SLC8A1: variants seen among roughly 807,000 people sequenced by gnomAD.
The protein encoded by SLC8A1 is sodium/calcium exchanger 1.
A neutral mutation model predicts 68.3 loss-of-function variants in SLC8A1; 18 were observed. That is an observed-to-expected ratio of 0.26 (90% CI 0.18 to 0.39). The LOEUF (loss-of-function observed/expected upper bound fraction) is 0.39, where lower values mean the gene tolerates loss of function less well. Ranked by LOEUF, SLC8A1 falls within the 10% of genes least tolerant of loss-of-function variation. The probability of loss-of-function intolerance (pLI) is 1.00; values close to 1 mark genes in which losing one functional copy is unlikely to be tolerated. For missense variants in SLC8A1, 985 were observed against 1,156.7 expected (o/e 0.85, Z 2.15); for synonymous variants, 475 against 415.5 (o/e 1.14, Z -1.74).
chr2:40,413,861 A>G (rs571326334), intron 2 of SLC8A1, among the ~76,000 whole-genome samples: 3 of 152,322 alleles, frequency 2.0e-5, no homozygotes, highest in East Asian at 1.9e-4. Flanking sequence ...ATGTTTTCTT[A>G]AACTATAGGT....
chr2:40,261,669 C>T (rs1208309408), intron 2 of SLC8A1, among the ~76,000 whole-genome samples: 1 of 152,170 alleles, frequency 6.6e-6, no homozygotes, highest in Non-Finnish European at 1.5e-5. Flanking sequence ...TGACAAAATA[C>T]TATGCCTTTA....
At chr2:40,143,976 C>T (rs946097504) in intron 6 of SLC8A1, among the ~76,000 whole-genome samples, 1 of 152,156 alleles carries the variant, frequency 6.6e-6, no homozygotes, top group Non-Finnish European at 1.5e-5. Flanking sequence ...GCTCACCTGT[C>T]AAATGAGTTT....
At chr2:40,355,310 C>T (rs562275228) in intron 2 of SLC8A1, among the ~76,000 whole-genome samples, 2 of 152,136 alleles carry the variant, frequency 1.3e-5, no homozygotes, top group Non-Finnish European at 2.9e-5. Flanking sequence ...AGTCACAAAG[C>T]CTCTCAGTGC....
intron 2 of SLC8A1, among the ~76,000 whole-genome samples, chr2:40,234,969 A>G (rs1175872837): frequency 6.6e-6 from 1 of 152,152 alleles, no homozygotes; most frequent in Non-Finnish European, 1.5e-5. Context: ...CATGGTGGAT[A>G]AGCTTTTTGA....
intron 7 of SLC8A1, among the ~76,000 whole-genome samples, chr2:40,134,217 G>A (rs1020636701): frequency 4.0e-5 from 6 of 151,616 alleles, no homozygotes; most frequent in Non-Finnish European, 5.9e-5. Context: ...TCAGCCTCCC[G>A]AACAGCTGGG....
At chr2:40,316,760 T>G (rs980309068) in intron 2 of SLC8A1, among the ~76,000 whole-genome samples, 1 of 151,898 alleles carries the variant, frequency 6.6e-6, no homozygotes, top group African/African-American at 2.4e-5. Context: ...CCAAAATACC[T>G]CCCTCCCCCA....
At chr2:40,442,130 C>G (rs1700605153) in intron 1 of SLC8A1, among the ~76,000 whole-genome samples, 1 of 150,574 alleles carries the variant, frequency 6.6e-6, no homozygotes, top group Non-Finnish European at 1.5e-5. Flanking sequence ...AGCACACCAG[C>G]ATGGCACATG....
chr2:40,467,517 TGC>T, intron 1 of SLC8A1, among the ~76,000 whole-genome samples: 2 of 152,178 alleles, frequency 1.3e-5, no homozygotes, highest in African/African-American at 4.8e-5. Flanking sequence ...CATTGGCAGC[TGC>T]TATTGTTGTC....
rs538055863 is a variant in SLC8A1 at position 40,376,566 on chromosome 2, CGAAAGGAAAA to C, written c.1808+51897_1808+51906del. ...GCATTTCAGTCAAGTTCAAAAGTGGCGAAAGGAAAAGAAAGGAAAAGGGAAAGGGAAAAGG... is the reference window on the plus strand; with the variant it reads ...GCATTTCAGTCAAGTTCAAAAGTGGCGAAAGGAAAAGGGAAAGGGAAAAGG... On this transcript the variant is annotated intron_variant, in intron 2 of 7. Coordinates refer to ENST00000406785, the Ensembl canonical transcript of SLC8A1. Among the ~76,000 whole-genome samples the C allele has an allele frequency of 5.6e-3, 822 of 148,022 alleles. 3 individuals carry two copies. The highest frequency in any genetic ancestry group is 0.035 in the Middle Eastern group (10 of 286).
chr2:40,451,779 ACACAC>A (rs1702562869), intron 1 of SLC8A1, 120 bp downstream of exon 1: 5 of 153,400 alleles, frequency 3.3e-5, no homozygotes, highest in African/African-American at 1.3e-4. Context: ...ACACACACAC[ACACAC>A]AAATTTAGAA....
chr2:40,413,185 T>G lies in SLC8A1; in HGVS notation c.1808+15288A>C, dbSNP rs185245062. Reference sequence around the variant, plus strand: ...TAAACTAGTTCAACCATTGTGGAAGTCGGTGTGGCGATTCCTCAGGGATCT... The same window carrying G: ...TAAACTAGTTCAACCATTGTGGAAGGCGGTGTGGCGATTCCTCAGGGATCT... On this transcript the variant is annotated intron_variant, in intron 2 of 7. Coordinates refer to ENST00000406785, the Ensembl canonical transcript of SLC8A1. 3.3e-5 allele frequency among the ~76,000 whole-genome samples: 5 copies of G among 152,302 alleles called. No individual in the cohort carries two copies. In the East Asian group the frequency reaches 9.7e-4, roughly 29 times the overall value.
chr2:40,170,251 G>A, intron 4 of SLC8A1, 30 bp downstream of exon 7: 4 of 1,595,788 alleles, frequency 2.5e-6, no homozygotes, highest in Non-Finnish European at 3.4e-6. Context: ...GGGAGGCTGT[G>A]GTTTTCAAGG....
intron 1 of SLC8A1, among the ~76,000 whole-genome samples, chr2:40,444,912 G>C (rs1701160669): frequency 1.3e-5 from 2 of 152,096 alleles, no homozygotes; most frequent in African/African-American, 2.4e-5. Context: ...CTGATCTTCG[G>C]TATATGCCAT....
intron 2 of SLC8A1, among the ~76,000 whole-genome samples, chr2:40,326,796 G>T (rs1011364116): frequency 6.6e-6 from 1 of 152,134 alleles, no homozygotes; most frequent in Non-Finnish European, 1.5e-5. Flanking sequence ...TGTGTTTTAA[G>T]TATTCTCTTA....
exon 8 of SLC8A1, chr2:40,097,403 T>G (rs1382044177): frequency 1.3e-5 from 2 of 152,042 alleles, no homozygotes; most frequent in Non-Finnish European, 2.9e-5. Context: ...TTAACACGAT[T>G]AAACATCACA....
intron 1 of SLC8A1, among the ~76,000 whole-genome samples, chr2:40,435,989 T>G (rs954385497): frequency 6.7e-6 from 1 of 150,234 alleles, no homozygotes; most frequent in African/African-American, 2.4e-5. Flanking sequence ...GGTTTCACCA[T>G]GTTGAACTCC....
intron 7 of SLC8A1, among the ~76,000 whole-genome samples, chr2:40,120,324 C>G (rs1049843904): frequency 6.6e-6 from 1 of 152,170 alleles, no homozygotes; most frequent in Non-Finnish European, 1.5e-5. Flanking sequence ...CTTCTCCCAG[C>G]AACCAGACCT....
At chr2:40,276,877 T>C (rs1311566455) in intron 2 of SLC8A1, among the ~76,000 whole-genome samples, 1 of 152,246 alleles carries the variant, frequency 6.6e-6, no homozygotes, top group Admixed American at 6.5e-5. Flanking sequence ...CCAACTTACA[T>C]TCTATGAGAA....
At chr2:40,322,452 G>C (rs1047255069) in intron 2 of SLC8A1, among the ~76,000 whole-genome samples, 2 of 144,730 alleles carry the variant, frequency 1.4e-5, no homozygotes, top group African/African-American at 5.1e-5. Flanking sequence ...GAGGCCAGGA[G>C]TTCAAGGCCA....
Sources: allele counts gnomAD v4.1 joint callset (sites outside exome capture counted in the v4.1 genomes callset), GRCh38; gene constraint gnomAD v4.1.1; transcripts MANE v1.5; gene names NCBI Gene and HGNC (gene_info 2026-07-23, HGNC 2026-07-21).